SERPINE2: variants seen among roughly 807,000 people sequenced by gnomAD.
The protein encoded by SERPINE2 is glia-derived nexin.
A neutral mutation model predicts 36.3 loss-of-function variants in SERPINE2; 14 were observed. The observed-to-expected ratio is 0.39, with a 90% CI of 0.25 to 0.60. The LOEUF (loss-of-function observed/expected upper bound fraction) is 0.60. SERPINE2 is among the 20% of genes least tolerant of loss of function. SERPINE2 has a pLI of 0.57. For synonymous variants in SERPINE2, 192 were observed against 191.8 expected (o/e 1.00, Z -0.01); for missense variants, 418 against 499.6 (o/e 0.84, Z 1.56).
In SERPINE2 at chr2:224,005,084, T is replaced by TA. The variant is rs1325290238; in HGVS notation, c.-22-3163dup. 2.0e-5 allele frequency among the ~76,000 whole-genome samples: 2 copies of TA among 98,490 alleles called. 1 individual carries two copies. Among genetic ancestry groups the TA allele is most frequent in the Non-Finnish European group, 4.6e-5 (2 of 43,882 alleles). The allele number at this position is 98,490 out of a possible 152,430, so 64.6% of individuals were successfully genotyped here. A position where few individuals can be genotyped will look rare whatever the true frequency, so the allele number is the denominator to read the frequency against. On this transcript the variant is annotated intron_variant, in intron 1 of 8. Transcript: ENST00000409304. ...TATATATTATATATATATATATATATATATATATATATAAAACATTGTAAA... is the reference window on the plus strand; with the variant it reads ...TATATATTATATATATATATATATATAATATATATATATAAAACATTGTAAA...
At chr2:224,018,180 G>A (rs1056370713) in intron 1 of SERPINE2, among the ~76,000 whole-genome samples, 3 of 152,204 alleles carry the variant, frequency 2.0e-5, no homozygotes, top group African/African-American at 4.8e-5. Flanking sequence ...GGTCACTGGC[G>A]ACTGAGGAAA....
intron 1 of SERPINE2, among the ~76,000 whole-genome samples, chr2:224,032,664 T>C (rs1417472678): frequency 1.3e-5 from 2 of 152,208 alleles, no homozygotes; most frequent in Non-Finnish European, 2.9e-5. Flanking sequence ...TGGATGTAAA[T>C]TCCAATTCTC....
chr2:224,002,001 G>C, intron 1 of SERPINE2, 79 bp from the exon 2 acceptor site: 1 of 1,238,734 alleles, frequency 8.1e-7, no homozygotes, highest in Non-Finnish European at 1.1e-6. Flanking sequence ...CCCCCAGATA[G>C]AGACTCGTTC....
rs560060253 is a variant in SERPINE2, at chr2:223,996,181, G to A, written c.487+1934C>T. Among the ~76,000 whole-genome samples, 29 of 152,256 alleles carry A rather than the reference G, an allele frequency of 1.9e-4. 1 individual carries two copies. In the South Asian group the frequency reaches 6.0e-3, roughly 32 times the overall value. ...AAGACTGTCACATGGTCTAACTAAT[G>A]TGGTTTAATATTGCCATTCTACAGA... On this transcript the variant is annotated intron_variant, in intron 3 of 8. Transcript: ENST00000409304.
At chr2:223,991,070 G>A (rs1336112345) in intron 4 of SERPINE2, among the ~76,000 whole-genome samples, 1 of 152,094 alleles carries the variant, frequency 6.6e-6, no homozygotes, top group Non-Finnish European at 1.5e-5. Flanking sequence ...CTCTATTGAC[G>A]TGTGAATATA....
intron 3 of SERPINE2, among the ~76,000 whole-genome samples, chr2:223,996,470 G>A (rs1425808317): frequency 6.6e-6 from 1 of 152,090 alleles, no homozygotes; most frequent in Non-Finnish European, 1.5e-5. Flanking sequence ...AGTCACCTGG[G>A]GTCTCCTCCA....
intron 1 of SERPINE2, among the ~76,000 whole-genome samples, chr2:224,011,891 A>G (rs1202914900): frequency 6.6e-6 from 1 of 152,240 alleles, no homozygotes; most frequent in Non-Finnish European, 1.5e-5. Context: ...TGGAGGGGAC[A>G]CTGTGGGTGA....
chr2:224,012,547 G>A (rs1030401653), intron 1 of SERPINE2, among the ~76,000 whole-genome samples: 1 of 148,102 alleles, frequency 6.8e-6, no homozygotes, highest in Non-Finnish European at 1.5e-5. Context: ...AGCTTGCAGT[G>A]AGCCGAGATC....
At chr2:224,007,897 G>T (rs553401403) in intron 1 of SERPINE2, among the ~76,000 whole-genome samples, 1 of 152,210 alleles carries the variant, frequency 6.6e-6, no homozygotes, top group Non-Finnish European at 1.5e-5. Context: ...CCTGTAAACT[G>T]TTAGAGCTAG....
chr2:223,981,208 G>A (rs1401343206), intron 6 of SERPINE2: 1 of 152,144 alleles, frequency 6.6e-6, no homozygotes, highest in African/African-American at 2.4e-5. Context: ...AATTGTGACT[G>A]AGATGCACAT....
At chr2:224,010,224 G>T in intron 1 of SERPINE2, 1 of 319,474 alleles carries the variant, frequency 3.1e-6, no homozygotes, top group Non-Finnish European at 4.5e-6. Context: ...GGTTAGTGGA[G>T]AAAGACTTAG....
intron 1 of SERPINE2, among the ~76,000 whole-genome samples, chr2:224,019,670 T>C (rs1559216796): frequency 6.6e-6 from 1 of 152,010 alleles, no homozygotes; most frequent in Non-Finnish European, 1.5e-5. Context: ...CAATGATCTG[T>C]TGATTACCAT....
intron 3 of SERPINE2, among the ~76,000 whole-genome samples, chr2:223,995,386 A>G (rs1690842128): frequency 6.6e-6 from 1 of 152,182 alleles, no homozygotes; most frequent in African/African-American, 2.4e-5. Flanking sequence ...AGGTAAAGGC[A>G]GTTTGGAATT....
intron 1 of SERPINE2, among the ~76,000 whole-genome samples, chr2:224,006,277 T>C (rs941502376): frequency 6.6e-6 from 1 of 152,160 alleles, no homozygotes; most frequent in Admixed American, 6.5e-5. Flanking sequence ...CACTTGATCG[T>C]TCAGAAAAAT....
intron 1 of SERPINE2, among the ~76,000 whole-genome samples, chr2:224,012,822 T>C (rs1232862358): frequency 6.6e-6 from 1 of 152,150 alleles, no homozygotes; most frequent in African/African-American, 2.4e-5. Context: ...AAATGTGTTC[T>C]AAAGGGGAGC....
chr2:223,975,693 T>G lies in SERPINE2; in HGVS notation c.*174A>C. On this transcript the variant is annotated 3_prime_UTR_variant, in exon 9 of 9. Transcript: ENST00000409304. The stretch of plus-strand genomic sequence containing the variant: ...TGTTCCAGCCATCCTGCTTGTTTTT[T>G]CCCTCCAATACCTCCCAGAACAGAA... 2 of 513,990 alleles carry G rather than the reference T, an allele frequency of 3.9e-6. No homozygotes were observed. The highest frequency in any genetic ancestry group is 4.1e-5 in the South Asian group (1 of 24,358). The allele number at this position is 513,990 out of a possible 1,614,324, so 31.8% of individuals were successfully genotyped here.
At chr2:224,010,722 A>G (rs1280027443) in intron 1 of SERPINE2, among the ~76,000 whole-genome samples, 1 of 152,166 alleles carries the variant, frequency 6.6e-6, no homozygotes, top group Non-Finnish European at 1.5e-5. Flanking sequence ...GGCCATGGAA[A>G]TTCAATAGGT....
intron 1 of SERPINE2, among the ~76,000 whole-genome samples, chr2:224,018,179 C>T (rs929918531): frequency 2.0e-5 from 3 of 152,134 alleles, no homozygotes; most frequent in Admixed American, 2.0e-4. Flanking sequence ...TGGTCACTGG[C>T]GACTGAGGAA....
chr2:224,038,656 A>C (rs1692608551), intron 1 of SERPINE2: 1 of 725,544 alleles, frequency 1.4e-6, no homozygotes, highest in South Asian at 1.6e-5. Flanking sequence ...AGAGTGCGCC[A>C]GTCTCTCCCC....
Sources: gnomAD v4.1 joint callset for allele counts (sites outside exome capture counted in the v4.1 genomes callset) on GRCh38, gnomAD v4.1.1 for gene constraint, MANE v1.5 for transcripts, NCBI Gene and HGNC (gene_info 2026-07-23, HGNC 2026-07-21) for gene names.